The following SATB2 variants were observed in gnomAD, a reference collection of about 807,000 sequenced individuals.
SATB2 encodes the protein SATB homeobox 2.
In SATB2, 1 loss-of-function variant was observed where a neutral mutation model predicts 73.4. The ratio of observed to expected loss-of-function variants is 0.01; its 90% CI spans 0.00 to 0.06. The LOEUF is 0.06. Among genes scored for constraint, SATB2 ranks in the 10% least tolerant of loss-of-function variants. The pLI is 1.00. For synonymous variants in SATB2, 397 were observed against 367.0 expected, an observed-to-expected ratio of 1.08 and a Z score of -0.93; for missense variants, 459 against 945.8, an observed-to-expected ratio of 0.49 and a Z score of 6.75.
At chr2:199,438,605 T>A (rs1691720454) in intron 2 of SATB2, among the ~76,000 whole-genome samples, 1 of 152,346 alleles carries the variant, frequency 6.6e-6, no homozygotes, top group South Asian at 2.1e-4. Flanking sequence ...GAAAGTGACC[T>A]GAGGAATGCG....
At chr2:199,295,679 C>CT (rs1335612547) in intron 10 of SATB2, among the ~76,000 whole-genome samples, 1 of 152,170 alleles carries the variant, frequency 6.6e-6, no homozygotes, top group Admixed American at 6.5e-5. Flanking sequence ...CCTGGCCTGA[C>CT]TTACCTGTCA....
intron 3 of SATB2, among the ~76,000 whole-genome samples, chr2:199,383,591 G>A (rs544683133): frequency 9.3e-4 from 142 of 152,262 alleles, no homozygotes; most frequent in Middle Eastern, 3.4e-3. Flanking sequence ...GACAGAATGG[G>A]GGGGAATGAA....
intron 2 of SATB2, among the ~76,000 whole-genome samples, chr2:199,454,794 G>C (rs1427909957): frequency 6.6e-6 from 1 of 152,164 alleles, no homozygotes; most frequent in Non-Finnish European, 1.5e-5. Context: ...AACATTTTTA[G>C]ATGTAAGTAA....
At position 199,378,612 on chromosome 2, in the gene SATB2, C is replaced by T. The variant is rs1264806392; in HGVS notation, c.597+1752G>A. ...GAATGCATGCCTTCTTGATTTTTTT[C>T]GAGGCAAAAATATTAATAGCATACT... On this transcript the variant is annotated intron_variant, in intron 5 of 10. Coordinates refer to ENST00000417098, the MANE Select transcript of SATB2 (RefSeq NM_001172509.2). Among the ~76,000 whole-genome samples, 6 of 151,760 alleles carry T rather than the reference C, an allele frequency of 4.0e-5. No homozygotes were observed. The South Asian group carries it at 6.3e-4, about 16-fold the overall frequency.
chr2:199,359,696 A>G (rs1689083422), intron 6 of SATB2, among the ~76,000 whole-genome samples: 1 of 152,162 alleles, frequency 6.6e-6, no homozygotes, highest in African/African-American at 2.4e-5. Flanking sequence ...CAGAAAATGG[A>G]TATGTTCCTG....
At chr2:199,374,821 G>A (rs928106854) in intron 5 of SATB2, among the ~76,000 whole-genome samples, 9 of 151,986 alleles carry the variant, frequency 5.9e-5, no homozygotes, top group East Asian at 5.8e-4. Context: ...AAAATTAGCC[G>A]GGCATGGTGG....
chr2:199,419,272 A>C (rs1691093499), intron 3 of SATB2, among the ~76,000 whole-genome samples: 1 of 152,168 alleles, frequency 6.6e-6, no homozygotes, highest in Non-Finnish European at 1.5e-5. Flanking sequence ...GGGAAGTAAA[A>C]AGAATCCTTA....
In SATB2 at chr2:199,374,208, A is replaced by G. The variant is rs1458808237; in HGVS notation, c.598-5501T>C. 2.0e-5 allele frequency among the ~76,000 whole-genome samples: 3 copies of G among 152,352 alleles called. No individual in the cohort carries two copies. In the East Asian group the frequency reaches 5.8e-4, roughly 29 times the overall value. Reference sequence around the variant, plus strand: ...TGCAGCTCAATAGCTTTAGTCAGTCATTTTGTTCCTCAAATATTCAGCAAC... The same window carrying G: ...TGCAGCTCAATAGCTTTAGTCAGTCGTTTTGTTCCTCAAATATTCAGCAAC... On this transcript the variant is annotated intron_variant, in intron 5 of 10. Transcript: ENST00000417098.
intron 2 of SATB2, among the ~76,000 whole-genome samples, chr2:199,443,588 T>C (rs1463497633): frequency 6.7e-6 from 1 of 149,954 alleles, no homozygotes; most frequent in Non-Finnish European, 1.5e-5. Context: ...AAAATCCTAC[T>C]GTCTATGTTT....
At chr2:199,434,740 T>G (rs569700042) in intron 2 of SATB2, among the ~76,000 whole-genome samples, 1 of 152,082 alleles carries the variant, frequency 6.6e-6, no homozygotes, top group South Asian at 2.1e-4. Flanking sequence ...CCCTGACACA[T>G]AGAATGCATA....
At chr2:199,290,285 G>A (rs751696164) in intron 10 of SATB2, among the ~76,000 whole-genome samples, 6 of 152,282 alleles carry the variant, frequency 3.9e-5, no homozygotes, top group South Asian at 2.1e-4. Context: ...TTACTTATAC[G>A]CTGTATTATA....
intron 3 of SATB2, among the ~76,000 whole-genome samples, chr2:199,419,368 T>C (rs1388506431): frequency 6.6e-6 from 1 of 152,150 alleles, no homozygotes; most frequent in African/African-American, 2.4e-5. Context: ...AGAGAGAGAA[T>C]TTTCTAAATG....
At chr2:199,353,407 G>A (rs1313014933) in intron 6 of SATB2, among the ~76,000 whole-genome samples, 1 of 151,710 alleles carries the variant, frequency 6.6e-6, no homozygotes, top group East Asian at 1.9e-4. Context: ...CACCCGCCTC[G>A]GCCTCCCAAA....
intron 3 of SATB2, among the ~76,000 whole-genome samples, chr2:199,408,400 A>C (rs1204227841): frequency 6.6e-6 from 1 of 152,206 alleles, no homozygotes; most frequent in Non-Finnish European, 1.5e-5. Context: ...TATTACATTG[A>C]GGTGACTTAA....
upstream of SATB2, among the ~76,000 whole-genome samples, chr2:199,458,951 G>A (rs1021346775): frequency 3.9e-5 from 6 of 152,256 alleles, no homozygotes; most frequent in African/African-American, 1.4e-4. Context: ...TGTCCCGAAT[G>A]CCAGGAGCAC....
chr2:199,389,330 A>G (rs1690054842), intron 3 of SATB2, among the ~76,000 whole-genome samples: 1 of 152,172 alleles, frequency 6.6e-6, no homozygotes, highest in Admixed American at 6.5e-5. Flanking sequence ...CTCTCTCTAT[A>G]TATATTTCAA....
chr2:199,313,429 A>C (rs1279459496), intron 9 of SATB2, among the ~76,000 whole-genome samples: 2 of 152,194 alleles, frequency 1.3e-5, no homozygotes, highest in Admixed American at 1.3e-4. Flanking sequence ...CTTCCTTGCA[A>C]TCAATGGTTA....
At chr2:199,374,068 T>C (rs1044164684) in intron 5 of SATB2, among the ~76,000 whole-genome samples, 1 of 152,190 alleles carries the variant, frequency 6.6e-6, no homozygotes, top group Admixed American at 6.5e-5. Flanking sequence ...ATGAGTTAAG[T>C]CCAAATGGGT....
intron 3 of SATB2, among the ~76,000 whole-genome samples, chr2:199,388,511 G>C (rs1355900863): frequency 6.6e-6 from 1 of 152,082 alleles, no homozygotes; most frequent in Non-Finnish European, 1.5e-5. Context: ...TATATATTGG[G>C]TATACTGCAC....
Sources: allele counts gnomAD v4.1 joint callset (sites outside exome capture counted in the v4.1 genomes callset), GRCh38; gene constraint gnomAD v4.1.1; transcripts MANE v1.5; gene names NCBI Gene and HGNC (gene_info 2026-07-23, HGNC 2026-07-21).